The following ZNF30 variants were observed in gnomAD, a reference collection of about 807,000 sequenced individuals.
ZNF30 encodes the protein zinc finger protein 30, also known as zinc finger protein 30 (KOX 28).
A neutral mutation model predicts 13.2 loss-of-function variants in ZNF30; 15 were observed. The ratio of observed to expected loss-of-function variants is 1.13; its 90% CI spans 0.76 to 1.75. ZNF30 has a LOEUF of 1.75. Among genes scored for constraint, ZNF30 ranks in the 40% most tolerant of loss-of-function variants. The probability of loss-of-function intolerance (pLI) is 0.00; values close to 1 mark genes in which losing one functional copy is unlikely to be tolerated. For missense variants in ZNF30, 726 were observed against 757.0 expected (o/e 0.96, Z 0.48); for synonymous variants, 223 against 256.6 (o/e 0.87, Z 1.25).
Position 34,936,251 on chromosome 19 carries a change from G to A in ZNF30, c.256+2528G>A, listed in dbSNP as rs573529521. Among the ~76,000 whole-genome samples, 8 of 152,282 alleles carry A rather than the reference G, an allele frequency of 5.3e-5. No individual in the cohort carries two copies. The East Asian group carries it at 1.3e-3, about 26-fold the overall frequency. On this transcript the variant is annotated intron_variant, in intron 4 of 4. Transcript: ENST00000601142. ...AATGGGGGCAAGAGCAGTGCAAGCT[G>A]GGGGTCTGAGTGGTTTTGATTAGGA...
chr19:34,938,543 A>G (rs920002770), intron 4 of ZNF30, among the ~76,000 whole-genome samples: 4 of 152,098 alleles, frequency 2.6e-5, no homozygotes, highest in Admixed American at 2.6e-4. Flanking sequence ...ACTTTGCTCT[A>G]TATCTATATA....
In ZNF30 at chr19:34,944,317, A is replaced by G. The variant is rs780331856; in HGVS notation, c.1351A>G (p.Thr451Ala). 72 of 1,614,084 alleles carry G rather than the reference A, an allele frequency of 4.5e-5. No homozygotes were observed. Among genetic ancestry groups the G allele is most frequent in the Middle Eastern group, 3.3e-4 (2 of 6,062 alleles). ...HQLTVHQRVH[T>A]GEKPYECKEC... ...GCTTACCGTACATCAAAGGGTTCAT[A>G]CTGGAGAGAAACCCTATGAGTGTAA... Residue 451 changes from threonine to alanine, a missense_variant, in exon 5 of 5, where the codon ACT becomes GCT. Coordinates refer to ENST00000601142, the MANE Select transcript of ZNF30 (RefSeq NM_194325.3).
In ZNF30 at chr19:34,944,364, A is replaced by C; in HGVS notation, c.1398A>C (p.Arg466Ser). The C allele has an allele frequency of 6.2e-7, 1 of 1,613,702 alleles. No individual in the cohort carries two copies. Among genetic ancestry groups the C allele is most frequent in the South Asian group, 1.1e-5 (1 of 91,048 alleles). ...GTAAGGAATGTGGCAAGGCCTTCAG[A>C]GTGCACGTACATCTCACACAGCATC... Reference protein sequence around the residue: ...YECKECGKAFRVHVHLTQHRK... With the variant: ...YECKECGKAFSVHVHLTQHRK... Residue 466 changes from arginine (R) to serine (S), a missense_variant, in exon 5 of 5, where the codon AGA becomes AGC. Physicochemically the swap from Arg to Ser is moderately radical, Grantham distance 110. Coordinates refer to ENST00000601142, the MANE Select transcript of ZNF30 (RefSeq NM_194325.3).
At chr19:34,930,024 T>C in intron 2 of ZNF30, 68 bp downstream of exon 2, 1 of 1,446,414 alleles carries the variant, frequency 6.9e-7, no homozygotes, top group South Asian at 1.2e-5. Context: ...TTAATTGACC[T>C]GAAGCATTCT....
intron 4 of ZNF30, among the ~76,000 whole-genome samples, chr19:34,937,226 C>T (rs1392417257): frequency 6.6e-6 from 1 of 151,804 alleles, no homozygotes. Context: ...TTGGCCAGGT[C>T]GGTTTCGAAC....
chr19:34,931,733 C>A, intron 2 of ZNF30, 110 bp from the exon 3 acceptor site: 1 of 1,113,264 alleles, frequency 9.0e-7, no homozygotes, highest in Non-Finnish European at 1.3e-6. Context: ...CCACTTGCCA[C>A]ATCATAAGCT....
At chr19:34,930,258 T>C (rs2012377099) in intron 2 of ZNF30, among the ~76,000 whole-genome samples, 1 of 152,188 alleles carries the variant, frequency 6.6e-6, no homozygotes, top group African/African-American at 2.4e-5. Flanking sequence ...CCTACATCCA[T>C]CTGTGGTTTG....
intron 4 of ZNF30, among the ~76,000 whole-genome samples, chr19:34,937,667 G>A (rs1211240039): frequency 4.0e-5 from 6 of 151,736 alleles, no homozygotes; most frequent in Admixed American, 2.0e-4. Context: ...CTAGGAGTTC[G>A]AGGCTGCAGT....
chr19:34,933,736 A>G lies in ZNF30; in HGVS notation c.256+13A>G. The G allele has an allele frequency of 6.4e-7, 1 of 1,551,082 alleles. No homozygotes were observed. Among genetic ancestry groups the G allele is most frequent in the Non-Finnish European group, 8.8e-7 (1 of 1,139,830 alleles). On this transcript the variant is annotated intron_variant, in intron 4 of 4. Coordinates refer to ENST00000601142, the MANE Select transcript of ZNF30 (RefSeq NM_194325.3). ...AGATGGTGCACAGGTGAGTAAGAGC[A>G]TGGCAGGTAGGGAGGCCATTGTTGC...
Position 34,944,867 on chromosome 19 carries a change from T to G in ZNF30, c.*29T>G. The G allele has an allele frequency of 6.6e-7, 1 of 1,526,032 alleles. No individual in the cohort carries two copies. Among genetic ancestry groups the G allele is most frequent in the East Asian group, 2.3e-5 (1 of 44,014 alleles). 94.5% of individuals were successfully genotyped at this position (1,526,032 alleles called of 1,614,324 possible). On this transcript the variant is annotated 3_prime_UTR_variant, in exon 5 of 5. Coordinates refer to ENST00000601142, the MANE Select transcript of ZNF30 (RefSeq NM_194325.3). ...TCTGAGGAGTGTGGGAAGTGCTTCG[T>G]GTGTGGCTCAAACATTGTTGAACAT...
Position 34,944,476 on chromosome 19 carries a change from A to T in ZNF30, c.1510A>T (p.Arg504Ter). ...SRASYLVQHS[R>*]IHTGKKPYEC... is the part of the protein sequence containing the mutation. ...AGCCTCGTACCTTGTACAACATAGC[A>T]GAATCCATACTGGTAAGAAGCCCTA... The change falls in exon 5 of 5, where the codon AGA (arginine) becomes TGA (stop). Residue 504 changes from arginine to a stop codon, truncating the protein, a stop_gained. Transcript: ENST00000601142. LOFTEE classifies it low-confidence loss of function (END_TRUNC). The T allele has an allele frequency of 6.2e-7, 1 of 1,613,828 alleles. No homozygotes were observed.
At chr19:34,940,799 G>A (rs540518222) in intron 4 of ZNF30, among the ~76,000 whole-genome samples, 3 of 151,862 alleles carry the variant, frequency 2.0e-5, no homozygotes, top group East Asian at 1.9e-4. Flanking sequence ...GAATAGTTAC[G>A]ATCAGAATTT....
intron 4 of ZNF30, among the ~76,000 whole-genome samples, chr19:34,940,982 T>C (rs1406602778): frequency 1.3e-5 from 2 of 152,238 alleles, no homozygotes; most frequent in Non-Finnish European, 2.9e-5. Flanking sequence ...TTTAAAGATT[T>C]CAGAGGTCTT....
At chr19:34,935,700 GTT>G (rs142285130) in intron 4 of ZNF30, among the ~76,000 whole-genome samples, 1,350 of 84,166 alleles carry the variant, frequency 0.016, 42 homozygotes, top group African/African-American at 0.066. Context: ...GTTGTCTATA[GTT>G]TTTTTTTTTT....
chr19:34,928,252 T>TATATATATATAGATAG (rs1325117057), intron 1 of ZNF30, among the ~76,000 whole-genome samples: 9 of 56,560 alleles, frequency 1.6e-4, no homozygotes, highest in South Asian at 6.6e-4. Context: ...TATATATATA[T>TATATATATATAGATAG]ATAGATAGAT....
Position 34,939,144 on chromosome 19 carries a change from CCCCTCCCCT to C in ZNF30, c.257-4063_257-4055del, listed in dbSNP as rs1186569479. 6.7e-3 allele frequency among the ~76,000 whole-genome samples: 404 copies of C among 60,600 alleles called. 3 individuals carry two copies. The highest frequency in any genetic ancestry group is 0.031 in the African/African-American group (264 of 8,446). 39.8% of individuals were successfully genotyped at this position (60,600 alleles called of 152,430 possible). Reference sequence around the variant, plus strand: ...TGTCTCCCCTCCCCTCCCCTCCCCTCCCCTCCCCTCCCTCCCCTCCCTCCGCTCCCCTCC... The same window carrying C: ...TGTCTCCCCTCCCCTCCCCTCCCCTCCCCTCCCCTCCCTCCGCTCCCCTCC... On this transcript the variant is annotated intron_variant, in intron 4 of 4. Transcript: ENST00000601142.
intron 4 of ZNF30, among the ~76,000 whole-genome samples, chr19:34,940,272 A>G (rs1433574456): frequency 6.6e-6 from 1 of 152,208 alleles, no homozygotes; most frequent in Non-Finnish European, 1.5e-5. Context: ...CTTCAGCCTT[A>G]TCTGAAGATA....
chr19:34,929,901 T>G lies in ZNF30; in HGVS notation c.-47T>G. 1 of 1,575,092 alleles carries G rather than the reference T, an allele frequency of 6.3e-7. No homozygotes were observed. ...TTTTCTAGCTTTTGAACTTCTCAGA[T>G]AGAGGAACCCCAGTGAAGACTGATC... is the stretch of plus-strand genomic sequence containing the variant. On this transcript the variant is annotated 5_prime_UTR_variant, in exon 2 of 5. It removes the in-frame stop codon of an upstream open reading frame in the 5' UTR. Coordinates refer to ENST00000601142, the MANE Select transcript of ZNF30 (RefSeq NM_194325.3).
chr19:34,933,586 C>A, intron 3 of ZNF30, 42 bp from the exon 4 acceptor site: 1 of 1,432,752 alleles, frequency 7.0e-7, no homozygotes, highest in Non-Finnish European at 9.6e-7. Context: ...TATTTTTGAA[C>A]TCATATTTTA....
Sources: gnomAD v4.1 joint callset for allele counts (sites outside exome capture counted in the v4.1 genomes callset) on GRCh38, gnomAD v4.1.1 for gene constraint, MANE v1.5 for transcripts, NCBI Gene and HGNC (gene_info 2026-07-23, HGNC 2026-07-21) for gene names.